The following RNLS variants were observed in gnomAD, a reference collection of about 807,000 sequenced individuals.
RNLS encodes the protein renalase.
A neutral mutation model predicts 39.8 loss-of-function variants in RNLS; 39 were observed. The ratio of observed to expected loss-of-function variants is 0.98; its 90% CI spans 0.76 to 1.28. RNLS has a LOEUF of 1.28. RNLS is among the 50% of genes most tolerant of loss of function. RNLS has a pLI of 0.00. For synonymous variants in RNLS, 147 were observed against 150.7 expected, an observed-to-expected ratio of 0.98 and a Z score of 0.18; for missense variants, 410 against 413.3, an observed-to-expected ratio of 0.99 and a Z score of 0.07.
chr10:88,392,197 G>A (rs142248552), intron 4 of RNLS, among the ~76,000 whole-genome samples: 180 of 152,326 alleles, frequency 1.2e-3, no homozygotes, highest in African/African-American at 4.0e-3. Flanking sequence ...CATAAGAGTT[G>A]AAGCAAATAA....
At chr10:88,356,225 T>G (rs902220959) in intron 5 of RNLS, among the ~76,000 whole-genome samples, 1 of 152,192 alleles carries the variant, frequency 6.6e-6, no homozygotes, top group African/African-American at 2.4e-5. Flanking sequence ...CCCACCATTC[T>G]GCACCCACTG....
At chr10:88,180,675 C>T in the RNLS span, among the ~76,000 whole-genome samples, 1 of 152,150 alleles carries the variant, frequency 6.6e-6, no homozygotes, top group African/African-American at 2.4e-5. Flanking sequence ...TCCCCAACCT[C>T]AGAAATAACC....
chr10:88,449,871 T>C (rs1842268133), intron 4 of RNLS, among the ~76,000 whole-genome samples: 1 of 152,124 alleles, frequency 6.6e-6, no homozygotes, highest in African/African-American at 2.4e-5. Flanking sequence ...CTAAAGAATG[T>C]TGGAGCTCTC....
At chr10:88,300,822 T>C (rs1158870425) in intron 6 of RNLS, among the ~76,000 whole-genome samples, 1 of 152,248 alleles carries the variant, frequency 6.6e-6, no homozygotes, top group African/African-American at 2.4e-5. Context: ...ATATGACTAC[T>C]AAACTTTTTT....
chr10:88,539,219 T>C (rs974496185), intron 4 of RNLS, among the ~76,000 whole-genome samples: 3 of 152,170 alleles, frequency 2.0e-5, no homozygotes, highest in Non-Finnish European at 4.4e-5. Context: ...TGTGCATATA[T>C]CTTCTTGTTG....
At chr10:88,196,737 C>T in the RNLS span, among the ~76,000 whole-genome samples, 75 of 152,254 alleles carry the variant, frequency 4.9e-4, no homozygotes, top group African/African-American at 1.6e-3. Flanking sequence ...AGACAATGCC[C>T]GGGTGACCTG....
chr10:88,273,492 A>G (rs1165981712), downstream of RNLS, among the ~76,000 whole-genome samples: 1 of 152,210 alleles, frequency 6.6e-6, no homozygotes, highest in Non-Finnish European at 1.5e-5. Context: ...AATATCCCAG[A>G]TAGAAAAATT....
the RNLS span, among the ~76,000 whole-genome samples, chr10:88,250,112 G>A: frequency 6.6e-6 from 1 of 152,130 alleles, no homozygotes; most frequent in African/African-American, 2.4e-5. Context: ...CCCCACCTTT[G>A]TGCTACCGTG....
At chr10:88,274,861 G>C in exon 7 of RNLS, 1 of 844,774 alleles carries the variant, frequency 1.2e-6, no homozygotes, top group Non-Finnish European at 2.0e-6. Context: ...TTTATCTTCT[G>C]TTTTGCTTCT....
intron 5 of RNLS, among the ~76,000 whole-genome samples, chr10:88,344,025 C>T (rs931969620): frequency 2.0e-5 from 3 of 152,106 alleles, no homozygotes; most frequent in Non-Finnish European, 2.9e-5. Context: ...CCTTATTATA[C>T]ATTGTTATTT....
At chr10:88,368,883 A>G (rs1409745909) in intron 4 of RNLS, among the ~76,000 whole-genome samples, 1 of 152,116 alleles carries the variant, frequency 6.6e-6, no homozygotes, top group East Asian at 1.9e-4. Flanking sequence ...TTAGTGGTAT[A>G]CAAAAGACCC....
At chr10:88,472,438 A>C (rs1843597091) in intron 4 of RNLS, among the ~76,000 whole-genome samples, 1 of 152,146 alleles carries the variant, frequency 6.6e-6, no homozygotes, top group Non-Finnish European at 1.5e-5. Flanking sequence ...AGCCCGAGAC[A>C]GGAGGTGCTA....
chr10:88,259,081 T>C, the RNLS span: 1 of 152,216 alleles, frequency 6.6e-6, no homozygotes, highest in Non-Finnish European at 1.5e-5. Context: ...CTGGTTACTT[T>C]CTACTTATCA....
chr10:88,508,195 G>GTAC (rs1394171497), intron 4 of RNLS, among the ~76,000 whole-genome samples: 2 of 152,142 alleles, frequency 1.3e-5, no homozygotes, highest in African/African-American at 4.8e-5. Flanking sequence ...GTTTGTGAGT[G>GTAC]AGGTAAAAGG....
intron 4 of RNLS, among the ~76,000 whole-genome samples, chr10:88,510,632 C>T (rs1846064780): frequency 6.6e-6 from 1 of 151,858 alleles, no homozygotes; most frequent in African/African-American, 2.4e-5. Flanking sequence ...ATCACAAGTT[C>T]AGGAGTTTGA....
intron 4 of RNLS, among the ~76,000 whole-genome samples, chr10:88,374,273 T>C (rs1380195717): frequency 6.6e-6 from 1 of 152,108 alleles, no homozygotes; most frequent in Non-Finnish European, 1.5e-5. Flanking sequence ...AGGTGTTTGC[T>C]TCTGACCTAT....
chr10:88,186,359 C>T, the RNLS span, among the ~76,000 whole-genome samples: 1 of 152,194 alleles, frequency 6.6e-6, no homozygotes. Context: ...CCATAAATGA[C>T]ATATATCATA....
intron 6 of RNLS, among the ~76,000 whole-genome samples, chr10:88,303,623 A>G (rs879883240): frequency 2.6e-5 from 4 of 152,106 alleles, no homozygotes; most frequent in Non-Finnish European, 5.9e-5. Flanking sequence ...TTGCCGGTGC[A>G]TGTCTGTATG....
At chr10:88,339,675 A>G (rs1847789437) in intron 5 of RNLS, among the ~76,000 whole-genome samples, 3 of 152,236 alleles carry the variant, frequency 2.0e-5, no homozygotes, top group Admixed American at 2.0e-4. Flanking sequence ...GTGGTGTTTT[A>G]AAGATTGAGC....
Sources: gnomAD v4.1 joint callset for allele counts (sites outside exome capture counted in the v4.1 genomes callset) on GRCh38, gnomAD v4.1.1 for gene constraint, MANE v1.5 for transcripts, NCBI Gene and HGNC (gene_info 2026-07-23, HGNC 2026-07-21) for gene names.